DISP2: variants seen among roughly 807,000 people sequenced by gnomAD.
DISP2 encodes protein dispatched homolog 2.
A neutral mutation model predicts 95.5 loss-of-function variants in DISP2; 59 were observed. The observed-to-expected ratio is 0.62, with a 90% confidence interval of 0.50 to 0.77. The LOEUF (loss-of-function observed/expected upper bound fraction) is 0.77, where lower values mean the gene tolerates loss of function less well. Ranked by LOEUF, DISP2 falls within the 30% of genes least tolerant of loss-of-function variation. DISP2 has a pLI of 0.00. For missense variants in DISP2, 1,752 were observed against 1,854.6 expected, an observed-to-expected ratio of 0.94 and a Z score of 1.02; for synonymous variants, 827 against 815.0, an observed-to-expected ratio of 1.01 and a Z score of -0.25.
chr15:40,374,014 A>AAAAAAAAAAAATATATATATATATAT lies in DISP2; in HGVS notation c.*3697_*3698insAAAAAAAAAATATATATATATATATA. The stretch of plus-strand genomic sequence containing the variant: ...GCGAGACTCCATCTTAAAAAAAAAA[A>AAAAAAAAAAAATATATATATATATAT]ATATATATATATATATATGTAAACT... On this transcript the variant is annotated 3_prime_UTR_variant, in exon 8 of 8. Transcript: ENST00000267889. 2 of 104,196 alleles carry AAAAAAAAAAAATATATATATATATAT rather than the reference A, an allele frequency of 1.9e-5. No individual in the cohort carries two copies. Among genetic ancestry groups the AAAAAAAAAAAATATATATATATATAT allele is most frequent in the African/African-American group, 8.4e-5 (2 of 23,942 alleles). The allele number at this position is 104,196 out of a possible 1,614,324, so 6.5% of individuals were successfully genotyped here. A position where few individuals can be genotyped will look rare whatever the true frequency, so the allele number is the denominator to read the frequency against.
intron 3 of DISP2, 60 bp downstream of exon 3, chr15:40,364,315 G>A: frequency 6.2e-7 from 1 of 1,613,934 alleles, no homozygotes; most frequent in South Asian, 1.1e-5. Context: ...AGTTAGCCCT[G>A]TTCCCCGTGC....
In DISP2 at chr15:40,375,124, C is replaced by G. The variant is rs1889713250; in HGVS notation, c.*4806C>G. 6.6e-6 allele frequency: 1 copy of G among 152,178 alleles called. No individual in the cohort carries two copies. 9.4% of individuals were successfully genotyped at this position (152,178 alleles called of 1,614,324 possible). On this transcript the variant is annotated 3_prime_UTR_variant, in exon 8 of 8. Transcript: ENST00000267889. ...ATGCTTAGGAGAAGAAATCGTAGTT[C>G]AATTCACCAGGAATATGAGAAACAA... is the stretch of plus-strand genomic sequence containing the variant.
Position 40,358,275 on chromosome 15 carries a change from G to C in DISP2, c.-47G>C. On this transcript the variant is annotated 5_prime_UTR_variant, in exon 1 of 8. Transcript: ENST00000267889. Reference sequence around the variant, plus strand: ...CGCCACCGCCGCCGCCGCCGCCGCCGCCGCGGCTTCAGCACCAGCGCCCGG... The same window carrying C: ...CGCCACCGCCGCCGCCGCCGCCGCCCCCGCGGCTTCAGCACCAGCGCCCGG... The C allele has an allele frequency of 8.2e-7, 1 of 1,214,818 alleles. No homozygotes were observed. Among genetic ancestry groups the C allele is most frequent in the East Asian group, 3.4e-5 (1 of 29,168 alleles). The allele number at this position is 1,214,818 out of a possible 1,614,324, so 75.3% of individuals were successfully genotyped here.
In DISP2 at chr15:40,370,018, C is replaced by T; in HGVS notation, c.3906C>T (p.Thr1302=). 1.2e-6 allele frequency: 2 copies of T among 1,614,098 alleles called. No homozygotes were observed. Among genetic ancestry groups the T allele is most frequent in the Non-Finnish European group, 1.7e-6 (2 of 1,180,034 alleles). ...TCTCTGATGAGACCTGCCTAAGCAC[C>T]TCTGAGCCCAGTGCCCGTGTACCAG... ...LSVSDETCLS[T]SEPSARVPDS... The change falls in exon 8 of 8, where the codon ACC becomes ACT. Residue 1302 remains threonine (T), a synonymous_variant. Transcript: ENST00000267889.
rs1448641786 is a variant in DISP2 at position 40,372,513 on chromosome 15, T to TA, written c.*2197dup. The TA allele has an allele frequency of 1.3e-5, 2 of 152,044 alleles. No homozygotes were observed. The highest frequency in any genetic ancestry group is 2.9e-5 in the Non-Finnish European group (2 of 68,000). The allele number at this position is 152,044 out of a possible 1,614,324, so 9.4% of individuals were successfully genotyped here. ...AGGATACCTTGGCTCCTTTGCAAGATAAGTAAATCAAGATGAGTAACTCCT... is the reference window on the plus strand; with the variant it reads ...AGGATACCTTGGCTCCTTTGCAAGATAAAGTAAATCAAGATGAGTAACTCCT... On this transcript the variant is annotated 3_prime_UTR_variant, in exon 8 of 8. Transcript: ENST00000267889.
Position 40,371,691 on chromosome 15 carries a change from A to C in DISP2, c.*1373A>C, listed in dbSNP as rs1382241937. 6.6e-6 allele frequency: 1 copy of C among 152,134 alleles called. No homozygotes were observed. The highest frequency in any genetic ancestry group is 1.5e-5 in the Non-Finnish European group (1 of 68,030). 9.4% of individuals were successfully genotyped at this position (152,134 alleles called of 1,614,324 possible). On this transcript the variant is annotated 3_prime_UTR_variant, in exon 8 of 8. Transcript: ENST00000267889. ...ACCAAAGGCTGGTTCCTCCTTCCCA[A>C]ACTTCCTGGTAGGGAAGTTTTATCC...
In DISP2 at chr15:40,370,452, A is replaced by G. The variant is rs560539077; in HGVS notation, c.*134A>G. The G allele has an allele frequency of 1.1e-5, 15 of 1,361,740 alleles. No individual in the cohort carries two copies. In the South Asian group the frequency reaches 1.8e-4, roughly 17 times the overall value. 84.4% of individuals were successfully genotyped at this position (1,361,740 alleles called of 1,614,324 possible). A position where few individuals can be genotyped will look rare whatever the true frequency, so the allele number is the denominator to read the frequency against. ...GTCTCACCCTCCAGCTGTGGATGTT[A>G]AACCCTGCCAGATGTCCCAGCCTTG... On this transcript the variant is annotated 3_prime_UTR_variant, in exon 8 of 8. Transcript: ENST00000267889.
At chr15:40,359,052 C>A (rs1222274992) in intron 1 of DISP2, among the ~76,000 whole-genome samples, 3 of 152,228 alleles carry the variant, frequency 2.0e-5, no homozygotes, top group African/African-American at 7.2e-5. Flanking sequence ...CTGGCCTGTA[C>A]CACCCCTGGA....
Position 40,371,862 on chromosome 15 carries a change from T to C in DISP2, c.*1544T>C, listed in dbSNP as rs1889651489. On this transcript the variant is annotated 3_prime_UTR_variant, in exon 8 of 8. Coordinates refer to ENST00000267889, the MANE Select transcript of DISP2 (RefSeq NM_033510.3). ...ACCTTCTAGCTGGGGAGACAGCTTA[T>C]GCACACATGCAGGCATCGGATGGCT... 1 of 152,182 alleles carries C rather than the reference T, an allele frequency of 6.6e-6. No individual in the cohort carries two copies. Among genetic ancestry groups the C allele is most frequent in the Non-Finnish European group, 1.5e-5 (1 of 68,034 alleles). 9.4% of individuals were successfully genotyped at this position (152,182 alleles called of 1,614,324 possible).
In DISP2 at chr15:40,371,910, CCAT is replaced by C. The variant is rs1308914804; in HGVS notation, c.*1599_*1601del. 6.6e-6 allele frequency: 1 copy of C among 152,078 alleles called. No individual in the cohort carries two copies. The highest frequency in any genetic ancestry group is 2.4e-5 in the African/African-American group (1 of 41,420). 9.4% of individuals were successfully genotyped at this position (152,078 alleles called of 1,614,324 possible). ...GCTCACGGACGGCACCATATGCCTG[CCAT>C]CATCATTATTGTTGGAGCTCAAGTA... On this transcript the variant is annotated 3_prime_UTR_variant, in exon 8 of 8. Transcript: ENST00000267889.
Position 40,370,130 on chromosome 15 carries a change from C to G in DISP2, c.4018C>G (p.Leu1340Val). 6.2e-7 allele frequency: 1 copy of G among 1,607,586 alleles called. No individual in the cohort carries two copies. The highest frequency in any genetic ancestry group is 8.5e-7 in the Non-Finnish European group (1 of 1,176,452). The change falls in exon 8 of 8, where the codon CTG (leucine) becomes GTG (valine). Residue 1340 changes from leucine (L) to valine (V), a missense_variant. By Grantham distance (32) the Leu-to-Val change is conservative. Coordinates refer to ENST00000267889, the MANE Select transcript of DISP2 (RefSeq NM_033510.3). ...RGQLNGKRDT[L>V]WLALRETVYD... ...CCAGCTCAATGGGAAGCGGGACACC[C>G]TGTGGCTGGCGCTGAGGGAGACAGT... is the stretch of plus-strand genomic sequence containing the variant.
rs199718039 is a variant in DISP2 at position 40,368,321 on chromosome 15, G to A, written c.2209G>A (p.Gly737Ser). The A allele has an allele frequency of 4.8e-5, 77 of 1,603,664 alleles. No individual in the cohort carries two copies. Among genetic ancestry groups the A allele is most frequent in the South Asian group, 4.6e-4 (42 of 90,854 alleles). The change falls in exon 8 of 8, where the codon GGC becomes AGC. Residue 737 changes from glycine (G) to serine (S), a missense_variant. Coordinates refer to ENST00000267889, the MANE Select transcript of DISP2 (RefSeq NM_033510.3). ...GCTGCCCACGCTGCCGCCGCCCGGCGGCCAGGTCTTCCGGCCCAGCCACCC... is the reference window on the plus strand; with the variant it reads ...GCTGCCCACGCTGCCGCCGCCCGGCAGCCAGGTCTTCCGGCCCAGCCACCC... Reference protein sequence around the residue: ...LRLPTLPPPGGQVFRPSHPFE... With the variant: ...LRLPTLPPPGSQVFRPSHPFE...
chr15:40,368,953 C>T lies in DISP2; in HGVS notation c.2841C>T (p.Phe947=). ...CTCCAGGCCTCCGCCGTGGTTGGTT[C>T]ACTAGCCGTCTAGAGCTGTATAGCC... is the stretch of plus-strand genomic sequence containing the variant. ...MAPPGLRRGW[F]TSRLELYSLQ... is the part of the protein sequence containing the mutation. Residue 947 remains phenylalanine (F), a synonymous_variant, in exon 8 of 8, where the codon TTC becomes TTT. Transcript: ENST00000267889. The T allele has an allele frequency of 6.2e-7, 1 of 1,613,972 alleles. No homozygotes were observed. The highest frequency in any genetic ancestry group is 8.5e-7 in the Non-Finnish European group (1 of 1,180,054).
Position 40,367,828 on chromosome 15 carries a change from G to C in DISP2, c.1716G>C (p.Gln572His). ...FFDLWRLSKS[Q>H]LPSGGLAQRV... ...ACCTGTGGCGCCTTAGCAAGAGCCA[G>C]CTGCCGTCGGGGGGGCTGGCGCAGC... Residue 572 changes from glutamine to histidine, a missense_variant, in exon 8 of 8, where the codon CAG becomes CAC. This residue lies in a region of DISP2 where 732 missense variants were observed against 714.6 expected (regional missense o/e 1.02). Coordinates refer to ENST00000267889, the MANE Select transcript of DISP2 (RefSeq NM_033510.3). 1.2e-6 allele frequency: 2 copies of C among 1,602,446 alleles called. No individual in the cohort carries two copies. Among genetic ancestry groups the C allele is most frequent in the Non-Finnish European group, 1.7e-6 (2 of 1,179,930 alleles).
Position 40,370,327 on chromosome 15 carries a change from CG to C in DISP2, c.*13del. ...CAGGCTATAGCAGCTGAGGGGGACCCGGGGAGGCTGGACAGGGCGCGGAACC... is the reference window on the plus strand; with the variant it reads ...CAGGCTATAGCAGCTGAGGGGGACCCGGGAGGCTGGACAGGGCGCGGAACC... On this transcript the variant is annotated 3_prime_UTR_variant, in exon 8 of 8. Transcript: ENST00000267889. 6.6e-7 allele frequency: 1 copy of C among 1,519,928 alleles called. No homozygotes were observed. The highest frequency in any genetic ancestry group is 8.8e-7 in the Non-Finnish European group (1 of 1,134,200). The allele number at this position is 1,519,928 out of a possible 1,614,324, so 94.2% of individuals were successfully genotyped here.
chr15:40,370,216 G>T lies in DISP2; in HGVS notation c.4104G>T (p.Gly1368=), dbSNP rs755143838. ...HSSLSWKGRG[G]PGDGSPVVLP... is the part of the protein sequence containing the mutation. ...GCTTGTCCTGGAAGGGCCGAGGGGG[G>T]CCAGGGGATGGCAGCCCTGTGGTGC... is the stretch of plus-strand genomic sequence containing the variant. Residue 1368 remains glycine (G), a synonymous_variant, in exon 8 of 8, where the codon GGG becomes GGT. Coordinates refer to ENST00000267889, the MANE Select transcript of DISP2 (RefSeq NM_033510.3). The T allele has an allele frequency of 1.9e-6, 3 of 1,609,094 alleles. No homozygotes were observed. The highest frequency in any genetic ancestry group is 2.7e-5 in the African/African-American group (2 of 74,906).
chr15:40,358,326 A>ACGGTGACAG lies in DISP2; in HGVS notation c.7_15dup (p.Gly3_Ser5dup). The stretch of plus-strand genomic sequence containing the variant: ...ACAGCGGTGCCGCCCACGGGCATGG[A>ACGGTGACAG]CGGTGACAGCAGCAGCAGCAGCGGC... On this transcript the variant is annotated inframe_insertion, in exon 1 of 8. Coordinates refer to ENST00000267889, the MANE Select transcript of DISP2 (RefSeq NM_033510.3). The ACGGTGACAG allele has an allele frequency of 1.4e-6, 2 of 1,383,312 alleles. No homozygotes were observed. The highest frequency in any genetic ancestry group is 1.9e-6 in the Non-Finnish European group (2 of 1,067,868). 85.7% of individuals were successfully genotyped at this position (1,383,312 alleles called of 1,614,324 possible).
chr15:40,358,462 A>C (rs1889354647), intron 1 of DISP2, 22 bp downstream of exon 1: 3 of 1,264,958 alleles, frequency 2.4e-6, no homozygotes, highest in Admixed American at 8.3e-5. Flanking sequence ...AGCTCCGCAG[A>C]TCCGTATCAC....
rs898376600 is a variant in DISP2, at chr15:40,371,667, C to G, written c.*1349C>G. 1.3e-5 allele frequency: 2 copies of G among 152,202 alleles called. No homozygotes were observed. The highest frequency in any genetic ancestry group is 2.9e-5 in the Non-Finnish European group (2 of 68,028). 9.4% of individuals were successfully genotyped at this position (152,202 alleles called of 1,614,324 possible). ...GTCTCTCTGTGGAGCGTTAAGCAGA[C>G]CAAAGGCTGGTTCCTCCTTCCCAAA... On this transcript the variant is annotated 3_prime_UTR_variant, in exon 8 of 8. Transcript: ENST00000267889.
Sources: allele counts gnomAD v4.1 joint callset (sites outside exome capture counted in the v4.1 genomes callset), GRCh38; gene constraint gnomAD v4.1.1; regional missense constraint gnomAD v4.1.1; transcripts MANE v1.5; gene names NCBI Gene and HGNC (gene_info 2026-07-23, HGNC 2026-07-21).